Variants in PLCB1 observed in about 807,000 individuals in gnomAD.
PLCB1 encodes phospholipase C beta 1, also known as 1-phosphatidylinositol 4,5-bisphosphate phosphodiesterase beta-1.
PLCB1 carries 46 observed loss-of-function variants against 161.8 expected under a neutral mutation model. The observed-to-expected ratio is 0.28, with a 90% CI of 0.22 to 0.36. The LOEUF is 0.36. Ranked by LOEUF, PLCB1 falls within the 10% of genes least tolerant of loss-of-function variation. PLCB1 has a pLI of 1.00. For synonymous variants in PLCB1, 517 were observed against 503.7 expected (o/e 1.03, Z -0.35); for missense variants, 1,016 against 1,472.5 (o/e 0.69, Z 5.07).
At chr20:8,852,581 A>G (rs1200165576) in intron 31 of PLCB1, among the ~76,000 whole-genome samples, 2 of 152,202 alleles carry the variant, frequency 1.3e-5, no homozygotes, top group Non-Finnish European at 2.9e-5. Flanking sequence ...GTAGAGGGTC[A>G]GTTACAGACA....
At chr20:8,221,444 G>C (rs184946341) in intron 2 of PLCB1, among the ~76,000 whole-genome samples, 13 of 152,264 alleles carry the variant, frequency 8.5e-5, no homozygotes, top group Admixed American at 7.2e-4. Flanking sequence ...GAAATTGAAA[G>C]TGAGGAGCTT....
intron 19 of PLCB1, 44 bp from the exon 20 acceptor site, chr20:8,736,984 A>C: frequency 3.5e-6 from 5 of 1,441,722 alleles, no homozygotes; most frequent in Non-Finnish European, 4.9e-6. Context: ...TGTTATTTGC[A>C]TATCAAAATT....
intron 2 of PLCB1, among the ~76,000 whole-genome samples, chr20:8,269,863 ATTCT>A (rs1265532758): frequency 2.0e-5 from 3 of 151,970 alleles, no homozygotes; most frequent in Non-Finnish European, 4.4e-5. Context: ...TAATGTAAAC[ATTCT>A]TTATTTGTGA....
intron 2 of PLCB1, among the ~76,000 whole-genome samples, chr20:8,269,473 C>G (rs1982164851): frequency 1.3e-5 from 2 of 152,226 alleles, no homozygotes; most frequent in South Asian, 4.1e-4. Context: ...AAAGGAGTTT[C>G]AAGGGCTACA....
In PLCB1 at chr20:8,752,708, G is replaced by A. The variant is rs181162644; in HGVS notation, c.2524-4338G>A. Among the ~76,000 whole-genome samples the A allele has an allele frequency of 1.2e-4, 18 of 151,418 alleles. No individual in the cohort carries two copies. In the East Asian group the frequency reaches 3.1e-3, roughly 26 times the overall value. ...CTCGGGAGGCTGAGGCAGGAGAATC[G>A]CTTGAACCCAGGAGGTGGAGGTTGC... is the stretch of plus-strand genomic sequence containing the variant. On this transcript the variant is annotated intron_variant, in intron 23 of 31. Transcript: ENST00000338037.
intron 12 of PLCB1, 110 bp from the exon 13 acceptor site, chr20:8,716,154 G>T: frequency 1.3e-6 from 1 of 753,652 alleles, no homozygotes; most frequent in Non-Finnish European, 2.3e-6. Flanking sequence ...ATCCTGATGG[G>T]TGGGATTAGA....
intron 10 of PLCB1, among the ~76,000 whole-genome samples, chr20:8,688,083 T>C (rs6039233): frequency 0.66 from 100,166 of 152,102 alleles, 34,081 homozygotes; most frequent in South Asian, 0.78. Context: ...TCCCTGATCA[T>C]TAGTGATGTT....
At position 8,443,646 on chromosome 20, in the gene PLCB1, G is replaced by A. The variant is rs1980670633; in HGVS notation, c.246+72196G>A. ...TGACTTCAGTCTGAGTTTCACCAGT[G>A]GGAGGTGCTGTCACGCTATTGGAGG... On this transcript the variant is annotated intron_variant, in intron 3 of 31. Coordinates refer to ENST00000338037, the MANE Select transcript of PLCB1 (RefSeq NM_015192.4). Among the ~76,000 whole-genome samples, 3 of 152,146 alleles carry A rather than the reference G, an allele frequency of 2.0e-5. No individual in the cohort carries two copies. In the South Asian group the frequency reaches 6.2e-4, roughly 32 times the overall value.
intron 2 of PLCB1, among the ~76,000 whole-genome samples, chr20:8,237,061 T>G (rs754823467): frequency 3.2e-4 from 48 of 152,090 alleles, no homozygotes; most frequent in Admixed American, 3.9e-4. Flanking sequence ...CTTTGGCATA[T>G]TTATCACAAG....
At chr20:8,824,231 A>G (rs1286886198) in intron 31 of PLCB1, among the ~76,000 whole-genome samples, 2 of 152,134 alleles carry the variant, frequency 1.3e-5, no homozygotes, top group African/African-American at 2.4e-5. Context: ...GTCCTTTGCC[A>G]TCTGGCTGCA....
chr20:8,457,937 A>G (rs1428281463), intron 3 of PLCB1, among the ~76,000 whole-genome samples: 2 of 152,204 alleles, frequency 1.3e-5, no homozygotes, highest in Non-Finnish European at 2.9e-5. Context: ...ACAAGAACAG[A>G]GGTGATTTAT....
intron 3 of PLCB1, among the ~76,000 whole-genome samples, chr20:8,467,617 T>G (rs759363954): frequency 1.3e-5 from 2 of 152,126 alleles, no homozygotes; most frequent in Non-Finnish European, 2.9e-5. Context: ...AGGTATACAG[T>G]GTTATATTTG....
chr20:8,591,294 T>A (rs756418291), intron 3 of PLCB1, among the ~76,000 whole-genome samples: 12 of 152,158 alleles, frequency 7.9e-5, no homozygotes, highest in Non-Finnish European at 1.2e-4. Flanking sequence ...CATAGACAAC[T>A]TTGGGGAGCC....
chr20:8,462,124 A>G (rs1440965672), intron 3 of PLCB1, among the ~76,000 whole-genome samples: 3 of 152,166 alleles, frequency 2.0e-5, no homozygotes, highest in Non-Finnish European at 4.4e-5. Context: ...GTATACACAC[A>G]TATATTAATC....
intron 3 of PLCB1, among the ~76,000 whole-genome samples, chr20:8,550,702 A>G (rs913857991): frequency 1.3e-5 from 2 of 152,182 alleles, no homozygotes; most frequent in African/African-American, 4.8e-5. Flanking sequence ...TTAAAATCAA[A>G]CTTTAAACCA....
At chr20:8,187,657 T>C (rs2051919855) in intron 2 of PLCB1, among the ~76,000 whole-genome samples, 1 of 152,148 alleles carries the variant, frequency 6.6e-6, no homozygotes, top group African/African-American at 2.4e-5. Flanking sequence ...AGATCTGCAA[T>C]GTGGATGCTG....
rs534298407 is a variant in PLCB1 at position 8,370,221 on chromosome 20, C to T, written c.178-1161C>T. ...GTCCTACCTGGCTGGTGGTAGAGTC[C>T]ACTGTCTAATGCAGCAACCTGTGTG... On this transcript the variant is annotated intron_variant, in intron 2 of 31. Coordinates refer to ENST00000338037, the MANE Select transcript of PLCB1 (RefSeq NM_015192.4). 2.6e-4 allele frequency among the ~76,000 whole-genome samples: 39 copies of T among 152,300 alleles called. 1 individual carries two copies. Among genetic ancestry groups the T allele is most frequent in the Admixed American group, 2.4e-3 (37 of 15,296 alleles).
chr20:8,196,807 A>G (rs1428945659), intron 2 of PLCB1, among the ~76,000 whole-genome samples: 1 of 151,892 alleles, frequency 6.6e-6, no homozygotes, highest in African/African-American at 2.4e-5. Context: ...TCCTAATGCT[A>G]TCCCTACCCC....
At chr20:8,499,064 T>C (rs932592946) in intron 3 of PLCB1, among the ~76,000 whole-genome samples, 1 of 152,236 alleles carries the variant, frequency 6.6e-6, no homozygotes, top group Non-Finnish European at 1.5e-5. Flanking sequence ...TAAGATTCTT[T>C]CTATCACTGG....
Sources: gnomAD v4.1 joint callset for allele counts (sites outside exome capture counted in the v4.1 genomes callset) on GRCh38, gnomAD v4.1.1 for gene constraint, MANE v1.5 for transcripts, NCBI Gene and HGNC (gene_info 2026-07-23, HGNC 2026-07-21) for gene names.